CELF2: variants seen among roughly 807,000 people sequenced by gnomAD.
CELF2 encodes the protein CUG triplet repeat RNA-binding protein 2.
In CELF2, 8 loss-of-function variants were observed where a neutral mutation model predicts 62.6. The ratio of observed to expected loss-of-function variants is 0.13; its 90% confidence interval spans 0.07 to 0.23. CELF2 has a LOEUF of 0.23. CELF2 is among the 10% of genes least tolerant of loss of function. The pLI, the probability that CELF2 is intolerant of heterozygous loss-of-function variation, is 1.00. For missense variants in CELF2, 333 were observed against 671.0 expected, an observed-to-expected ratio of 0.50 and a Z score of 5.56; for synonymous variants, 258 against 250.0, an observed-to-expected ratio of 1.03 and a Z score of -0.30.
chr10:11,084,009 G>A (rs1033404793), intron 1 of CELF2, among the ~76,000 whole-genome samples: 1 of 152,210 alleles, frequency 6.6e-6, no homozygotes, highest in African/African-American at 2.4e-5. Flanking sequence ...CTATTGAAGG[G>A]TCACAGCCAT....
intron 2 of CELF2, among the ~76,000 whole-genome samples, chr10:11,183,181 G>T (rs2073949532): frequency 6.6e-6 from 1 of 152,098 alleles, no homozygotes; most frequent in South Asian, 2.1e-4. Flanking sequence ...GTTGTATGTG[G>T]TTACCATTTC....
intron 2 of CELF2, chr10:11,168,926 G>A (rs1281808988): frequency 6.6e-6 from 1 of 152,258 alleles, no homozygotes; most frequent in Non-Finnish European, 1.5e-5. Flanking sequence ...TGAGGACTTT[G>A]GAAAAGTGTG....
Position 11,217,524 on chromosome 10 carries a change from T to C in CELF2, c.354+17T>C. 1 of 1,564,842 alleles carries C rather than the reference T, an allele frequency of 6.4e-7. No individual in the cohort carries two copies. Among genetic ancestry groups the C allele is most frequent in the Middle Eastern group, 1.7e-4 (1 of 5,964 alleles). ...TTACCTGGGGTGAGTCGGTTTACTTTTGTACCAGAATCACTTTATTGCTTG... is the reference window on the plus strand; with the variant it reads ...TTACCTGGGGTGAGTCGGTTTACTTCTGTACCAGAATCACTTTATTGCTTG... On this transcript the variant is annotated intron_variant, in intron 3 of 12. Transcript: ENST00000633077. The surrounding 1 kb of genome is among the most constrained non-coding windows in gnomAD (Gnocchi z 5.6).
chr10:10,909,263 T>C (rs1019581981), intron 1 of CELF2, among the ~76,000 whole-genome samples: 2 of 152,182 alleles, frequency 1.3e-5, no homozygotes, highest in Non-Finnish European at 2.9e-5. Context: ...TGTTCCTCAC[T>C]TCAGGGTATC....
At chr10:11,054,477 G>GTA (rs1564538443) in intron 1 of CELF2, among the ~76,000 whole-genome samples, 4 of 99,810 alleles carry the variant, frequency 4.0e-5, no homozygotes, top group African/African-American at 1.0e-4. Flanking sequence ...GAAAACAACT[G>GTA]TGTATGTGTG....
At chr10:11,057,236 G>A (rs947048207) in intron 1 of CELF2, among the ~76,000 whole-genome samples, 1 of 151,910 alleles carries the variant, frequency 6.6e-6, no homozygotes, top group African/African-American at 2.4e-5. Context: ...TGGGTCATAC[G>A]AGGTGCGCCT....
chr10:11,184,559 C>G (rs1304360085), intron 2 of CELF2, among the ~76,000 whole-genome samples: 1 of 152,186 alleles, frequency 6.6e-6, no homozygotes, highest in South Asian at 2.1e-4. Flanking sequence ...TTCTTTAGGT[C>G]TTCTTTGATT....
At chr10:10,565,327 A>G in the CELF2 span, among the ~76,000 whole-genome samples, 1 of 152,256 alleles carries the variant, frequency 6.6e-6, no homozygotes, top group Non-Finnish European at 1.5e-5. Context: ...GACTGAAATA[A>G]TAAGTCAGTT....
intron 1 of CELF2, among the ~76,000 whole-genome samples, chr10:11,086,387 G>C (rs1049797412): frequency 1.3e-5 from 2 of 151,982 alleles, no homozygotes; most frequent in African/African-American, 4.8e-5. Flanking sequence ...GCACTGCAGA[G>C]GGTGTGAGCT....
chr10:10,891,501 T>A (rs1164231333), intron 1 of CELF2, among the ~76,000 whole-genome samples: 1 of 151,692 alleles, frequency 6.6e-6, no homozygotes, highest in East Asian at 1.9e-4. Flanking sequence ...TTACAAACGT[T>A]AGAGCTTGTA....
At chr10:11,049,330 C>T (rs747037000) in intron 1 of CELF2, among the ~76,000 whole-genome samples, 32 of 151,138 alleles carry the variant, frequency 2.1e-4, no homozygotes, top group Non-Finnish European at 4.1e-4. Flanking sequence ...GAGATTATTA[C>T]GGTGTGGTCC....
At chr10:10,601,866 T>C in the CELF2 span, among the ~76,000 whole-genome samples, 1 of 152,210 alleles carries the variant, frequency 6.6e-6, no homozygotes, top group Admixed American at 6.5e-5. Flanking sequence ...CCATTAGCTA[T>C]TTTTCCTAAT....
chr10:11,095,286 A>G (rs1446732427), intron 1 of CELF2, among the ~76,000 whole-genome samples: 1 of 152,154 alleles, frequency 6.6e-6, no homozygotes, highest in African/African-American at 2.4e-5. Context: ...AGAGTTTGTG[A>G]CTTCATTAGA....
the CELF2 span, among the ~76,000 whole-genome samples, chr10:10,688,017 C>T: frequency 6.6e-6 from 1 of 152,240 alleles, no homozygotes; most frequent in Non-Finnish European, 1.5e-5. Context: ...ACAGCAAGGG[C>T]TACTACTGCT....
At chr10:11,137,444 T>C (rs988382183) in intron 1 of CELF2, among the ~76,000 whole-genome samples, 1 of 152,246 alleles carries the variant, frequency 6.6e-6, no homozygotes, top group Non-Finnish European at 1.5e-5. Flanking sequence ...GCTTTGGTTT[T>C]AGAGTCAGAT....
intron 2 of CELF2, among the ~76,000 whole-genome samples, chr10:10,963,727 T>C (rs1186659690): frequency 3.9e-5 from 6 of 152,204 alleles, no homozygotes; most frequent in African/African-American, 9.7e-5. Flanking sequence ...AAGTACCAAA[T>C]TGAAGTCAGA....
rs1221511852 is a variant in CELF2, at chr10:11,243,229, G to C, written c.355-5924G>C. 6.6e-6 allele frequency among the ~76,000 whole-genome samples: 1 copy of C among 152,060 alleles called. No individual in the cohort carries two copies. The highest frequency in any genetic ancestry group is 1.5e-5 in the Non-Finnish European group (1 of 67,990). On this transcript the variant is annotated intron_variant, in intron 3 of 12. Coordinates refer to ENST00000633077, the MANE Select transcript of CELF2 (RefSeq NM_001326342.2). The surrounding 1 kb of genome is among the most constrained non-coding windows in gnomAD (Gnocchi z 4.1). ...GACTCTAGTTCCTTCTCCCCGGGAG[G>C]GAGAAAGGGAAGGAGCCTTTGAAAT... is the stretch of plus-strand genomic sequence containing the variant.
At chr10:11,133,080 G>A (rs150803194) in intron 1 of CELF2, among the ~76,000 whole-genome samples, 2 of 152,314 alleles carry the variant, frequency 1.3e-5, no homozygotes, top group East Asian at 3.9e-4. Flanking sequence ...AAAGACAGCT[G>A]TAGTACATGT....
intron 1 of CELF2, among the ~76,000 whole-genome samples, chr10:11,133,382 T>A (rs2059910411): frequency 6.6e-6 from 1 of 152,206 alleles, no homozygotes; most frequent in Non-Finnish European, 1.5e-5. Context: ...TTGATCTTTT[T>A]GATCCAAAAG....
Sources: allele counts gnomAD v4.1 joint callset (sites outside exome capture counted in the v4.1 genomes callset), GRCh38; gene constraint gnomAD v4.1.1; non-coding constraint Gnocchi (gnomAD v3.1); transcripts MANE v1.5; gene names NCBI Gene and HGNC (gene_info 2026-07-23, HGNC 2026-07-21).